The following BRINP3 variants were observed in gnomAD, a reference collection of about 807,000 sequenced individuals.
BRINP3 encodes BMP/retinoic acid-inducible neural-specific protein 3.
BRINP3 carries 19 observed loss-of-function variants against 71.0 expected under a neutral mutation model. That is an observed-to-expected ratio of 0.27 (90% CI 0.19 to 0.39). The LOEUF (loss-of-function observed/expected upper bound fraction) is 0.39, where lower values mean the gene tolerates loss of function less well. Among genes scored for constraint, BRINP3 ranks in the 10% least tolerant of loss-of-function variants. The pLI is 1.00. For missense variants in BRINP3, 959 were observed against 940.8 expected (o/e 1.02, Z -0.25); for synonymous variants, 380 against 337.7 (o/e 1.13, Z -1.37).
intron 3 of BRINP3, among the ~76,000 whole-genome samples, chr1:190,275,542 T>C (rs972829995): frequency 6.6e-6 from 1 of 151,608 alleles, no homozygotes; most frequent in South Asian, 2.1e-4. Flanking sequence ...ATAACATTTA[T>C]TACCAAGTTA....
Position 190,276,628 on chromosome 1 carries a change from TACATACACACACAC to T in BRINP3, c.427+4918_427+4931del, listed in dbSNP as rs920643379. Among the ~76,000 whole-genome samples the T allele has an allele frequency of 2.8e-4, 42 of 150,926 alleles. No individual in the cohort carries two copies. In the East Asian group the frequency reaches 5.7e-3, roughly 20 times the overall value. ...GTGAACTACATTGGAGGCATAGTTTTACATACACACACACACATACACACACACACACATATATA... is the reference window on the plus strand; with the variant it reads ...GTGAACTACATTGGAGGCATAGTTTTACATACACACACACACACATATATA... On this transcript the variant is annotated intron_variant, in intron 3 of 7. Transcript: ENST00000367462.
rs866713315 is a variant in BRINP3, at chr1:190,105,938, A to C, written c.1185-6804T>G. Among the ~76,000 whole-genome samples the C allele has an allele frequency of 3.3e-5, 5 of 152,134 alleles. 1 individual carries two copies. In the South Asian group the frequency reaches 1.0e-3, roughly 32 times the overall value. ...GGAAGTAAAAAAATTACCAAAAATA[A>C]CTATATTTTAAAAATTAGCGTACAC... On this transcript the variant is annotated intron_variant, in intron 7 of 7. Coordinates refer to ENST00000367462, the MANE Select transcript of BRINP3 (RefSeq NM_199051.3).
intron 7 of BRINP3, among the ~76,000 whole-genome samples, chr1:190,111,435 G>A (rs1309650917): frequency 6.6e-6 from 1 of 152,030 alleles, no homozygotes; most frequent in East Asian, 1.9e-4. Flanking sequence ...ATTTAAGAGT[G>A]GGTGCTTTAT....
chr1:190,108,251 C>T (rs973587851), intron 7 of BRINP3, among the ~76,000 whole-genome samples: 6 of 151,916 alleles, frequency 3.9e-5, no homozygotes, highest in African/African-American at 1.4e-4. Flanking sequence ...AGAATCATAA[C>T]CGCATTAATA....
chr1:190,468,159 T>C (rs1035432434), intron 1 of BRINP3, among the ~76,000 whole-genome samples: 2 of 151,388 alleles, frequency 1.3e-5, no homozygotes, highest in Non-Finnish European at 3.0e-5. Context: ...TCTTCAGCTT[T>C]GACTGATGCA....
chr1:190,475,459 A>G (rs936769615), intron 1 of BRINP3, among the ~76,000 whole-genome samples: 1 of 152,160 alleles, frequency 6.6e-6, no homozygotes, highest in Admixed American at 6.5e-5. Context: ...AAATGCCCAC[A>G]CCAAGCACAC....
intron 6 of BRINP3, among the ~76,000 whole-genome samples, chr1:190,169,660 G>T (rs998710695): frequency 3.3e-5 from 5 of 152,188 alleles, no homozygotes; most frequent in African/African-American, 1.2e-4. Context: ...ACCAATCACT[G>T]TGCTACTTGA....
intron 6 of BRINP3, among the ~76,000 whole-genome samples, chr1:190,165,443 G>GTTTTTTTT (rs1222291505): frequency 0.011 from 506 of 46,544 alleles, 103 homozygotes; most frequent in East Asian, 0.033. Flanking sequence ...TTCATTGGCT[G>GTTTTTTTT]TTTTTTTTTT....
chr1:190,327,326 C>CAAAAAAAAAAAAAAAAAAAAAAAAAGAA (rs1227478693), intron 2 of BRINP3, among the ~76,000 whole-genome samples: 1 of 44,232 alleles, frequency 2.3e-5, no homozygotes, highest in African/African-American at 6.9e-5. Context: ...AAAAAAAGAA[C>CAAAAAAAAAAAAAAAAAAAAAAAAAGAA]AAAAAAAAAA....
At chr1:190,377,370 T>C (rs1038138927) in intron 2 of BRINP3, among the ~76,000 whole-genome samples, 1 of 151,924 alleles carries the variant, frequency 6.6e-6, no homozygotes, top group African/African-American at 2.4e-5. Flanking sequence ...ACACAATACT[T>C]AATGGTGAAT....
At chr1:190,300,714 G>A (rs1401277892) in intron 2 of BRINP3, among the ~76,000 whole-genome samples, 2 of 152,054 alleles carry the variant, frequency 1.3e-5, no homozygotes, top group African/African-American at 4.8e-5. Flanking sequence ...GCAGCTGAGG[G>A]TCCTGTCTGT....
At chr1:190,232,779 A>C (rs941642600) in intron 5 of BRINP3, among the ~76,000 whole-genome samples, 1 of 152,158 alleles carries the variant, frequency 6.6e-6, no homozygotes, top group Non-Finnish European at 1.5e-5. Context: ...AATAATTTTT[A>C]TAATAAACTG....
chr1:190,318,453 G>T (rs1666028523), intron 2 of BRINP3, among the ~76,000 whole-genome samples: 1 of 151,994 alleles, frequency 6.6e-6, no homozygotes, highest in Admixed American at 6.6e-5. Context: ...ATCCCATCTA[G>T]TTCTTGAAAA....
chr1:190,389,302 T>C (rs11587093), intron 2 of BRINP3, among the ~76,000 whole-genome samples: 26,516 of 151,642 alleles, frequency 0.17, 2,348 homozygotes, highest in Middle Eastern at 0.22. Context: ...CCCCCATTTC[T>C]TCCTCTTAGT....
chr1:190,169,655 T>A (rs1254800515), intron 6 of BRINP3, among the ~76,000 whole-genome samples: 1 of 152,146 alleles, frequency 6.6e-6, no homozygotes, highest in Non-Finnish European at 1.5e-5. Flanking sequence ...TGTGTACCAA[T>A]CACTGTGCTA....
chr1:190,396,898 A>G (rs1025767183), intron 2 of BRINP3, among the ~76,000 whole-genome samples: 16 of 150,210 alleles, frequency 1.1e-4, no homozygotes, highest in Admixed American at 2.0e-4. Flanking sequence ...TACCTAAAAC[A>G]TTTCCCTTTA....
intron 2 of BRINP3, among the ~76,000 whole-genome samples, chr1:190,285,081 T>G (rs141395798): frequency 6.6e-6 from 1 of 152,146 alleles, no homozygotes; most frequent in African/African-American, 2.4e-5. Context: ...GTTTGTACTG[T>G]CGTGAAATAT....
intron 2 of BRINP3, among the ~76,000 whole-genome samples, chr1:190,380,550 G>C (rs1571906210): frequency 6.6e-6 from 1 of 152,110 alleles, no homozygotes; most frequent in South Asian, 2.1e-4. Context: ...AGATTCTGGA[G>C]ATAGACATTT....
chr1:190,414,599 GA>G (rs1672895446), intron 2 of BRINP3, among the ~76,000 whole-genome samples: 1 of 152,126 alleles, frequency 6.6e-6, no homozygotes, highest in Non-Finnish European at 1.5e-5. Flanking sequence ...AATATTCTAG[GA>G]AAATAGAAAG....
Sources: allele counts gnomAD v4.1 joint callset (sites outside exome capture counted in the v4.1 genomes callset), GRCh38; gene constraint gnomAD v4.1.1; transcripts MANE v1.5; gene names NCBI Gene and HGNC (gene_info 2026-07-23, HGNC 2026-07-21).